BACH2: variants seen among roughly 807,000 people sequenced by gnomAD.
BACH2 encodes the protein transcription regulator protein BACH2.
BACH2 carries 5 observed loss-of-function variants against 61.8 expected under a neutral mutation model. The ratio of observed to expected loss-of-function variants is 0.08; its 90% CI spans 0.04 to 0.17. The LOEUF is 0.17. BACH2 is among the 10% of genes least tolerant of loss of function. The pLI is 1.00. For missense variants in BACH2, 824 were observed against 1,091.1 expected (o/e 0.76, Z 3.45); for synonymous variants, 446 against 440.1 (o/e 1.01, Z -0.17).
chr6:90,008,307 G>T lies in BACH2; in HGVS notation c.243+295C>A. On this transcript the variant is annotated intron_variant, in intron 6 of 8. Transcript: ENST00000257749. The surrounding 1 kb of genome is among the most constrained non-coding windows in gnomAD (Gnocchi z 4.1). ...TGATTCAGATCCCACATCTAGGACT[G>T]TGCCAAACTTAGGCTGAACCACTCA... 1 of 464,492 alleles carries T rather than the reference G, an allele frequency of 2.2e-6. No homozygotes were observed. Among genetic ancestry groups the T allele is most frequent in the Non-Finnish European group, 4.0e-6 (1 of 252,878 alleles). 28.8% of individuals were successfully genotyped at this position (464,492 alleles called of 1,614,324 possible). A position where few individuals can be genotyped will look rare whatever the true frequency, so the allele number is the denominator to read the frequency against.
chr6:90,180,909 C>A (rs936046395), intron 4 of BACH2, among the ~76,000 whole-genome samples: 2 of 151,426 alleles, frequency 1.3e-5, no homozygotes, highest in African/African-American at 4.9e-5. Flanking sequence ...CATGTTTTAT[C>A]CACTCATCAT....
At chr6:89,968,146 G>A (rs1199767379) in intron 6 of BACH2, among the ~76,000 whole-genome samples, 3 of 152,212 alleles carry the variant, frequency 2.0e-5, no homozygotes. Flanking sequence ...TGAAAACTGT[G>A]GAGGACAGGG....
At chr6:90,119,949 C>G (rs577481514) in intron 4 of BACH2, among the ~76,000 whole-genome samples, 4 of 152,088 alleles carry the variant, frequency 2.6e-5, no homozygotes, top group Non-Finnish European at 5.9e-5. Context: ...CATTAAGGAC[C>G]CAGGAAAGCC....
intron 8 of BACH2, among the ~76,000 whole-genome samples, 165 bp downstream of exon 8, chr6:89,937,979 G>A (rs895625922): frequency 4.1e-4 from 62 of 151,976 alleles, no homozygotes; most frequent in Admixed American, 1.4e-3. Context: ...ACACACACAC[G>A]CACAGATGTA....
At chr6:89,963,523 C>A (rs1584538082) in intron 6 of BACH2, among the ~76,000 whole-genome samples, 1 of 152,152 alleles carries the variant, frequency 6.6e-6, no homozygotes, top group East Asian at 1.9e-4. Flanking sequence ...AACTCCTGGG[C>A]TCAAGTGATT....
intron 6 of BACH2, among the ~76,000 whole-genome samples, chr6:90,004,620 C>T (rs1006082929): frequency 6.6e-6 from 1 of 152,184 alleles, no homozygotes; most frequent in African/African-American, 2.4e-5. Context: ...AGCACATCCC[C>T]TCCCTGTCCT....
chr6:90,273,272 C>T (rs1229853768), intron 1 of BACH2, among the ~76,000 whole-genome samples: 1 of 152,070 alleles, frequency 6.6e-6, no homozygotes, highest in Non-Finnish European at 1.5e-5. Context: ...GCAAAAGGAT[C>T]ACTCGAGCCC....
intron 5 of BACH2, among the ~76,000 whole-genome samples, chr6:90,071,461 T>A (rs1436610749): frequency 1.3e-5 from 2 of 152,148 alleles, no homozygotes; most frequent in East Asian, 3.9e-4. Flanking sequence ...CAACTCAAAG[T>A]GAGAGTAAAC....
chr6:90,002,583 A>G (rs1777193282), intron 6 of BACH2, among the ~76,000 whole-genome samples: 1 of 152,200 alleles, frequency 6.6e-6, no homozygotes, highest in Non-Finnish European at 1.5e-5. Flanking sequence ...CAGCCTGGCC[A>G]GCATGGCAAA....
At chr6:90,057,332 A>C (rs1177463687) in intron 5 of BACH2, among the ~76,000 whole-genome samples, 2 of 152,240 alleles carry the variant, frequency 1.3e-5, no homozygotes, top group Non-Finnish European at 2.9e-5. Context: ...CCATCAGAGA[A>C]TATGATAAAC....
chr6:90,055,324 A>C (rs1780277181), intron 5 of BACH2, among the ~76,000 whole-genome samples: 1 of 152,242 alleles, frequency 6.6e-6, no homozygotes, highest in African/African-American at 2.4e-5. Context: ...TACATGTCGA[A>C]TGCAGAAGCC....
intron 6 of BACH2, among the ~76,000 whole-genome samples, chr6:89,956,900 C>T (rs963334681): frequency 2.6e-5 from 4 of 152,246 alleles, no homozygotes; most frequent in East Asian, 1.9e-4. Flanking sequence ...CAGATGAATC[C>T]GGAGGACAGG....
At chr6:90,150,864 G>T (rs1784789760) in intron 4 of BACH2, among the ~76,000 whole-genome samples, 3 of 152,176 alleles carry the variant, frequency 2.0e-5, no homozygotes, top group Non-Finnish European at 2.9e-5. Context: ...CAGCAGTTGG[G>T]ATGTCAGTCA....
intron 4 of BACH2, among the ~76,000 whole-genome samples, chr6:90,138,486 G>A (rs1784356511): frequency 6.6e-6 from 1 of 151,916 alleles, no homozygotes; most frequent in Non-Finnish European, 1.5e-5. Context: ...GTGACAGAGT[G>A]AGATCCATCT....
intron 6 of BACH2, among the ~76,000 whole-genome samples, chr6:89,960,826 G>C (rs528679765): frequency 6.6e-6 from 1 of 152,206 alleles, no homozygotes; most frequent in East Asian, 1.9e-4. Context: ...TGATGTCTAG[G>C]GGGAGCGTTA....
chr6:90,263,656 A>G (rs1263462885), intron 2 of BACH2, among the ~76,000 whole-genome samples: 1 of 152,178 alleles, frequency 6.6e-6, no homozygotes, highest in East Asian at 1.9e-4. Flanking sequence ...TAAATCTGCA[A>G]AAGTCTGTGA....
intron 6 of BACH2, among the ~76,000 whole-genome samples, chr6:89,965,556 A>G (rs1346372109): frequency 6.6e-6 from 1 of 152,182 alleles, no homozygotes; most frequent in South Asian, 2.1e-4. Context: ...TGTGCCTTGT[A>G]CACCCTAGAG....
intron 4 of BACH2, among the ~76,000 whole-genome samples, chr6:90,154,778 TAGTC>T (rs927051939): frequency 6.6e-6 from 1 of 152,198 alleles, no homozygotes; most frequent in African/African-American, 2.4e-5. Context: ...AGCACTGCGT[TAGTC>T]AGTACTGGAC....
chr6:90,051,672 A>G (rs1156275447), intron 5 of BACH2, among the ~76,000 whole-genome samples: 1 of 152,034 alleles, frequency 6.6e-6, no homozygotes, highest in Admixed American at 6.6e-5. Flanking sequence ...TTCTGTTCTC[A>G]TCTTTATTCA....
Sources: gnomAD v4.1 joint callset for allele counts (sites outside exome capture counted in the v4.1 genomes callset) on GRCh38, gnomAD v4.1.1 for gene constraint, Gnocchi (gnomAD v3.1) non-coding constraint, MANE v1.5 for transcripts, NCBI Gene and HGNC (gene_info 2026-07-23, HGNC 2026-07-21) for gene names.